Variants in PBX1 observed in about 807,000 individuals in gnomAD.
PBX1 encodes the protein pre-B-cell leukemia transcription factor 1.
PBX1 carries 6 observed loss-of-function variants against 53.4 expected under a neutral mutation model. That is an observed-to-expected ratio of 0.11 (90% CI 0.06 to 0.22). The LOEUF (loss-of-function observed/expected upper bound fraction) is 0.22. PBX1 is among the 10% of genes least tolerant of loss of function. The probability of loss-of-function intolerance (pLI) is 1.00; values close to 1 mark genes in which losing one functional copy is unlikely to be tolerated. For missense variants in PBX1, 251 were observed against 551.4 expected, an observed-to-expected ratio of 0.46 and a Z score of 5.46; for synonymous variants, 204 against 212.3, an observed-to-expected ratio of 0.96 and a Z score of 0.34.
At chr1:164,565,345 A>G (rs1653357892) in intron 2 of PBX1, among the ~76,000 whole-genome samples, 1 of 152,174 alleles carries the variant, frequency 6.6e-6, no homozygotes, top group Admixed American at 6.5e-5. Context: ...TGTTGTCTCT[A>G]GAATAACATA....
intron 2 of PBX1, among the ~76,000 whole-genome samples, chr1:164,606,112 T>C (rs185821020): frequency 1.3e-5 from 2 of 152,354 alleles, no homozygotes; most frequent in East Asian, 3.9e-4. Context: ...AAGGGATTTT[T>C]AAAAATTCTT....
At chr1:164,570,564 TC>T (rs1653774002) in intron 2 of PBX1, among the ~76,000 whole-genome samples, 2 of 152,244 alleles carry the variant, frequency 1.3e-5, no homozygotes, top group Non-Finnish European at 2.9e-5. Context: ...TCCATAGTAT[TC>T]CATGGTGTAT....
intron 8 of PBX1, 137 bp downstream of exon 8, chr1:164,821,763 T>G (rs2102367099): frequency 1.4e-6 from 1 of 725,958 alleles, no homozygotes; most frequent in East Asian, 2.7e-5. Context: ...TGTTTCTGTA[T>G]CGGTCATGCC....
At chr1:164,789,327 G>A (rs1481603264) in intron 2 of PBX1, among the ~76,000 whole-genome samples, 2 of 152,214 alleles carry the variant, frequency 1.3e-5, no homozygotes, top group African/African-American at 2.4e-5. Context: ...TGGAGCAGAG[G>A]CATGAAACTG....
chr1:164,689,893 C>T (rs978788606), intron 2 of PBX1, among the ~76,000 whole-genome samples: 11 of 152,102 alleles, frequency 7.2e-5, no homozygotes, highest in African/African-American at 2.7e-4. Context: ...CAGTTCCCCT[C>T]TCACTGGTGA....
chr1:164,671,877 C>T (rs906381213), intron 2 of PBX1, among the ~76,000 whole-genome samples: 1 of 152,126 alleles, frequency 6.6e-6, no homozygotes, highest in African/African-American at 2.4e-5. Flanking sequence ...AGCCTGCTTG[C>T]CCATATGCCT....
chr1:164,668,971 G>C (rs1329770533), intron 2 of PBX1, among the ~76,000 whole-genome samples: 3 of 152,078 alleles, frequency 2.0e-5, no homozygotes, highest in African/African-American at 7.2e-5. Context: ...CTGGTAGGAA[G>C]ACTGTGTGTT....
chr1:164,885,628 A>G (rs1361937120), intron 2 of PBX1, among the ~76,000 whole-genome samples: 1 of 152,212 alleles, frequency 6.6e-6, no homozygotes, highest in Non-Finnish European at 1.5e-5. Context: ...TCTTCAAGCA[A>G]TGGGCTCTTG....
At chr1:164,832,968 A>C (rs1414775018) in intron 8 of PBX1, among the ~76,000 whole-genome samples, 1 of 152,182 alleles carries the variant, frequency 6.6e-6, no homozygotes, top group Admixed American at 6.5e-5. Flanking sequence ...TAAATTAAAG[A>C]ACAATTAAAA....
At chr1:164,652,559 G>A (rs779162372) in intron 2 of PBX1, among the ~76,000 whole-genome samples, 11 of 152,190 alleles carry the variant, frequency 7.2e-5, no homozygotes, top group Admixed American at 1.3e-4. Context: ...ACTAGAAGGT[G>A]AGAGAAGAGG....
intron 3 of PBX1, among the ~76,000 whole-genome samples, chr1:164,796,310 A>G (rs749358244): frequency 3.9e-5 from 6 of 152,174 alleles, no homozygotes; most frequent in African/African-American, 7.2e-5. Flanking sequence ...GCCTGGCGCT[A>G]TAAGGTATTT....
intron 2 of PBX1, among the ~76,000 whole-genome samples, chr1:164,569,386 T>C (rs1653670037): frequency 6.6e-6 from 1 of 152,084 alleles, no homozygotes; most frequent in Non-Finnish European, 1.5e-5. Context: ...GTGCCTGGCA[T>C]AGAGTAAACA....
chr1:164,571,182 A>G (rs1461318019), intron 2 of PBX1, among the ~76,000 whole-genome samples: 5 of 152,206 alleles, frequency 3.3e-5, no homozygotes, highest in Non-Finnish European at 7.3e-5. Flanking sequence ...CTTGAAATAT[A>G]TTTCTAACAC....
intron 8 of PBX1, among the ~76,000 whole-genome samples, chr1:164,827,282 C>G (rs1007061990): frequency 6.6e-6 from 1 of 152,176 alleles, no homozygotes; most frequent in African/African-American, 2.4e-5. Context: ...TTTGAAAACT[C>G]ATGTTAATTA....
At chr1:164,612,068 G>C (rs1656971680) in intron 2 of PBX1, among the ~76,000 whole-genome samples, 1 of 152,164 alleles carries the variant, frequency 6.6e-6, no homozygotes, top group South Asian at 2.1e-4. Context: ...AAGAATGCTA[G>C]TTGATTTTTG....
At chr1:164,744,041 G>A (rs139497710) in intron 2 of PBX1, among the ~76,000 whole-genome samples, 6 of 152,248 alleles carry the variant, frequency 3.9e-5, no homozygotes, top group African/African-American at 9.6e-5. Flanking sequence ...TTATGGACAC[G>A]ATTGATTAGT....
intron 2 of PBX1, among the ~76,000 whole-genome samples, chr1:164,564,837 T>A (rs551316671): frequency 3.7e-4 from 56 of 151,808 alleles, no homozygotes; most frequent in Non-Finnish European, 6.6e-4. Flanking sequence ...TTATATATAT[T>A]TTTTTATCTT....
chr1:164,812,310 C>T (rs187260211), intron 6 of PBX1, among the ~76,000 whole-genome samples, 161 bp downstream of exon 6: 4 of 152,256 alleles, frequency 2.6e-5, no homozygotes, highest in Admixed American at 1.3e-4. Flanking sequence ...TGGGCTCTTT[C>T]TTTCATTTCC....
At chr1:164,686,203 T>TA (rs1474070717) in intron 2 of PBX1, among the ~76,000 whole-genome samples, 1 of 152,192 alleles carries the variant, frequency 6.6e-6, no homozygotes, top group Non-Finnish European at 1.5e-5. Context: ...TCCTTATTAT[T>TA]ATGGTGATTA....
Sources: allele counts gnomAD v4.1 joint callset (sites outside exome capture counted in the v4.1 genomes callset), GRCh38; gene constraint gnomAD v4.1.1; transcripts MANE v1.5; gene names NCBI Gene and HGNC (gene_info 2026-07-23, HGNC 2026-07-21).